The following PIP4K2A variants were observed in gnomAD, a reference collection of about 807,000 sequenced individuals.
The protein encoded by PIP4K2A is phosphatidylinositol-5-phosphate 4-kinase type 2 alpha, also known as phosphatidylinositol 5-phosphate 4-kinase type-2 alpha.
Under a neutral mutation model 42.9 loss-of-function variants are expected in PIP4K2A, and 14 were observed. That is an observed-to-expected ratio of 0.33 (90% CI 0.22 to 0.51). The LOEUF is 0.51. Among genes scored for constraint, PIP4K2A ranks in the 20% least tolerant of loss-of-function variants. PIP4K2A has a pLI of 0.97. For missense variants in PIP4K2A, 434 were observed against 519.8 expected (o/e 0.83, Z 1.61); for synonymous variants, 192 against 192.2 (o/e 1.00, Z 0.01).
chr10:22,656,270 C>T (rs912736201), intron 1 of PIP4K2A, among the ~76,000 whole-genome samples: 3 of 152,180 alleles, frequency 2.0e-5, no homozygotes, highest in Admixed American at 6.5e-5. Flanking sequence ...CCTGGGGCAC[C>T]GGCCCCTCTC....
At chr10:22,547,472 G>A (rs1836285428) in intron 7 of PIP4K2A, among the ~76,000 whole-genome samples, 1 of 152,164 alleles carries the variant, frequency 6.6e-6, no homozygotes, top group Admixed American at 6.5e-5. Context: ...GTAGGGGCAG[G>A]ACCACTGTCA....
At chr10:22,713,885 CG>C (rs1833960349) in intron 1 of PIP4K2A, 1 of 221,472 alleles carries the variant, frequency 4.5e-6, no homozygotes, top group Non-Finnish European at 8.9e-6. Flanking sequence ...GACCGACCTG[CG>C]GGCGGGCGGG....
Position 22,573,338 on chromosome 10 carries a change from C to T in PIP4K2A, c.612G>A (p.Leu204=), listed in dbSNP as rs1837034095. 6.2e-7 allele frequency: 1 copy of T among 1,613,812 alleles called. No homozygotes were observed. Among genetic ancestry groups the T allele is most frequent in the South Asian group, 1.1e-5 (1 of 91,074 alleles). The change falls in exon 5 of 10, where the codon TTG becomes TTA. Residue 204 remains leucine, a synonymous_variant. Transcript: ENST00000376573. ...TTAAGTCGTATTTCCTATACACAGA[C>T]AAACGGTGGCTGAATACATTTCTTG... ...IVTRNVFSHR[L]SVYRKYDLKG...
At chr10:22,652,389 G>A (rs546812734) in intron 1 of PIP4K2A, among the ~76,000 whole-genome samples, 1 of 152,256 alleles carries the variant, frequency 6.6e-6, no homozygotes, top group East Asian at 1.9e-4. Flanking sequence ...CCAAAGTACA[G>A]GGATTACAAG....
At chr10:22,624,391 T>C (rs1265315064) in intron 1 of PIP4K2A, among the ~76,000 whole-genome samples, 1 of 152,238 alleles carries the variant, frequency 6.6e-6, no homozygotes, top group African/African-American at 2.4e-5. Flanking sequence ...CAGTCAATAT[T>C]TGAAGACTCA....
At chr10:22,544,258 C>G (rs1836204812) in intron 7 of PIP4K2A, among the ~76,000 whole-genome samples, 2 of 151,906 alleles carry the variant, frequency 1.3e-5, no homozygotes, top group South Asian at 2.1e-4. Flanking sequence ...GTTTCAGAAG[C>G]CTATTTGAAA....
At chr10:22,641,664 G>T (rs1008981866) in intron 1 of PIP4K2A, among the ~76,000 whole-genome samples, 4 of 151,726 alleles carry the variant, frequency 2.6e-5, no homozygotes, top group African/African-American at 9.7e-5. Flanking sequence ...AGCCCAGCTG[G>T]TCTCAAACTC....
At chr10:22,566,381 CTT>C (rs1251372326) in intron 6 of PIP4K2A, among the ~76,000 whole-genome samples, 5 of 152,172 alleles carry the variant, frequency 3.3e-5, no homozygotes, top group South Asian at 4.1e-4. Context: ...TCCTCCTGCT[CTT>C]GTTTGCTATT....
intron 4 of PIP4K2A, among the ~76,000 whole-genome samples, chr10:22,583,480 C>G (rs1011504681): frequency 4.6e-5 from 7 of 152,098 alleles, no homozygotes; most frequent in Admixed American, 2.0e-4. Flanking sequence ...GGGATCCAAG[C>G]CAAGGTGTTG....
chr10:22,709,106 CT>C (rs760885162), intron 1 of PIP4K2A, among the ~76,000 whole-genome samples: 671 of 144,090 alleles, frequency 4.7e-3, no homozygotes, highest in Middle Eastern at 0.014. Context: ...ATTTAGCAGA[CT>C]TTTTTTTTTT....
In PIP4K2A at chr10:22,714,575, G is replaced by A. The variant is rs1185616078; in HGVS notation, c.-249C>T. 1 of 146,718 alleles carries A rather than the reference G, an allele frequency of 6.8e-6. No homozygotes were observed. Among genetic ancestry groups the A allele is most frequent in the African/African-American group, 2.4e-5 (1 of 40,876 alleles). The allele number at this position is 146,718 out of a possible 1,614,324, so 9.1% of individuals were successfully genotyped here. On this transcript the variant is annotated 5_prime_UTR_variant, in exon 1 of 10. Coordinates refer to ENST00000376573, the MANE Select transcript of PIP4K2A (RefSeq NM_005028.5). ...CGCCGCGGATCCGCGCTCAGCCCGCGGCTGGACCCGGCGCGCGGCGAGCGG... is the reference window on the plus strand; with the variant it reads ...CGCCGCGGATCCGCGCTCAGCCCGCAGCTGGACCCGGCGCGCGGCGAGCGG...
intron 1 of PIP4K2A, among the ~76,000 whole-genome samples, chr10:22,665,402 AATTT>A (rs1196240259): frequency 6.6e-6 from 1 of 152,076 alleles, no homozygotes; most frequent in Non-Finnish European, 1.5e-5. Context: ...AACGCACTAT[AATTT>A]ATTTAGCTGT....
intron 1 of PIP4K2A, among the ~76,000 whole-genome samples, chr10:22,683,086 C>A (rs371654758): frequency 0.2 from 27,026 of 135,068 alleles, 2,737 homozygotes; most frequent in African/African-American, 0.39. Context: ...ACAACAACAA[C>A]AAAAACAGCT....
At chr10:22,628,847 A>T (rs1838496884) in intron 1 of PIP4K2A, among the ~76,000 whole-genome samples, 1 of 152,242 alleles carries the variant, frequency 6.6e-6, no homozygotes, top group African/African-American at 2.4e-5. Context: ...AATGCTTCTT[A>T]TCAGACTTAA....
At chr10:22,607,441 ACTGCAG>A (rs1837929264) in intron 3 of PIP4K2A, among the ~76,000 whole-genome samples, 1 of 152,172 alleles carries the variant, frequency 6.6e-6, no homozygotes, top group Non-Finnish European at 1.5e-5. Flanking sequence ...ACAGTCCAGC[ACTGCAG>A]TGCACAAAGG....
At position 22,536,553 on chromosome 10, in the gene PIP4K2A, A is replaced by G; in HGVS notation, c.*648T>C. On this transcript the variant is annotated 3_prime_UTR_variant, in exon 10 of 10. Transcript: ENST00000376573. ...CGGAGACGCCAGCATTCTTCCGTCC[A>G]GTGCTGGGGGCTCAGGTTATCAGTG... The G allele has an allele frequency of 6.2e-6, 1 of 160,270 alleles. No individual in the cohort carries two copies. Among genetic ancestry groups the G allele is most frequent in the African/African-American group, 2.4e-5 (1 of 41,890 alleles). The allele number at this position is 160,270 out of a possible 1,614,324, so 9.9% of individuals were successfully genotyped here.
At chr10:22,608,086 A>G in intron 2 of PIP4K2A, 63 bp from the exon 3 acceptor site, 1 of 1,032,330 alleles carries the variant, frequency 9.7e-7, no homozygotes, top group Non-Finnish European at 1.5e-6. Flanking sequence ...ATCTGCCACC[A>G]CTGAGTTCCA....
intron 1 of PIP4K2A, among the ~76,000 whole-genome samples, chr10:22,614,114 G>C (rs1188148262): frequency 2.0e-5 from 3 of 152,220 alleles, no homozygotes; most frequent in South Asian, 2.1e-4. Flanking sequence ...GAGGGACGGA[G>C]AGTTCTGACT....
rs116119966 is a variant in PIP4K2A, at chr10:22,622,514, C to T, written c.145-12797G>A. 2.5e-3 allele frequency among the ~76,000 whole-genome samples: 380 copies of T among 152,336 alleles called. 2 individuals are homozygous for T. Among genetic ancestry groups the T allele is most frequent in the African/African-American group, 8.7e-3 (362 of 41,586 alleles). The stretch of plus-strand genomic sequence containing the variant: ...CCGCTGTCCCCTGCTCTGCTGCAAT[C>T]GCACCTTTGGCCTGGGTCACTCCCC... On this transcript the variant is annotated intron_variant, in intron 1 of 9. Coordinates refer to ENST00000376573, the MANE Select transcript of PIP4K2A (RefSeq NM_005028.5).
Sources: gnomAD v4.1 joint callset for allele counts (sites outside exome capture counted in the v4.1 genomes callset) on GRCh38, gnomAD v4.1.1 for gene constraint, MANE v1.5 for transcripts, NCBI Gene and HGNC (gene_info 2026-07-23, HGNC 2026-07-21) for gene names.